Variants in DENND5A observed in about 807,000 individuals in gnomAD.
DENND5A encodes DENN domain-containing protein 5A.
Under a neutral mutation model 140.3 loss-of-function variants are expected in DENND5A, and 64 were observed. The ratio of observed to expected loss-of-function variants is 0.46; its 90% CI spans 0.37 to 0.56. The LOEUF (loss-of-function observed/expected upper bound fraction) is 0.56. Among genes scored for constraint, DENND5A ranks in the 20% least tolerant of loss-of-function variants. The pLI, the probability that DENND5A is intolerant of heterozygous loss-of-function variation, is 0.00. For missense variants in DENND5A, 1,292 were observed against 1,593.8 expected (o/e 0.81, Z 3.22); for synonymous variants, 605 against 607.7 (o/e 1.00, Z 0.07).
chr11:9,252,295 CAAAAAAAAA>C (rs11422899), intron 1 of DENND5A, among the ~76,000 whole-genome samples: 1 of 69,046 alleles, frequency 1.4e-5, no homozygotes, highest in Non-Finnish European at 2.7e-5. Context: ...GACTCCGTCT[CAAAAAAAAA>C]AAAAAAAAAA....
At chr11:9,157,660 A>G (rs916742802) in intron 12 of DENND5A, among the ~76,000 whole-genome samples, 5 of 152,188 alleles carry the variant, frequency 3.3e-5, no homozygotes, top group African/African-American at 1.2e-4. Flanking sequence ...AAAGGCCATG[A>G]TCTAGTTCTT....
intron 1 of DENND5A, among the ~76,000 whole-genome samples, chr11:9,212,473 C>T (rs117753916): frequency 0.016 from 2,393 of 152,106 alleles, 32 homozygotes; most frequent in Non-Finnish European, 0.022. Context: ...TACACAAGTA[C>T]ACCACAGACA....
Position 9,141,942 on chromosome 11 carries a change from G to A in DENND5A, c.3678C>T (p.Ala1226=). ...TCTGGGCCCTGGGTCTGCAGTACCT[G>A]GCTCCCAAGCACACCAGCATCTGAA... ...GKFQMLVCLG[A]RDHLLHHWIA... Residue 1226 remains alanine, a splice_region_variant and synonymous_variant, in exon 22 of 23, where the codon GCC becomes GCT. Transcript: ENST00000328194. The A allele has an allele frequency of 1.3e-6, 2 of 1,585,318 alleles. No homozygotes were observed. The highest frequency in any genetic ancestry group is 1.7e-6 in the Non-Finnish European group (2 of 1,164,846).
intron 12 of DENND5A, among the ~76,000 whole-genome samples, chr11:9,154,288 C>A (rs1209149071): frequency 1.3e-5 from 2 of 152,160 alleles, no homozygotes; most frequent in Non-Finnish European, 2.9e-5. Flanking sequence ...TAAGAGGTCA[C>A]ACCGTTAGTA....
intron 3 of DENND5A, among the ~76,000 whole-genome samples, chr11:9,204,985 G>A (rs1310143828): frequency 6.6e-6 from 1 of 152,204 alleles, no homozygotes; most frequent in Non-Finnish European, 1.5e-5. Flanking sequence ...ATGGTAGGTG[G>A]TTAAGCATGA....
At position 9,264,967 on chromosome 11, in the gene DENND5A, G is replaced by C. The variant is rs1015263045; in HGVS notation, c.103C>G (p.Leu35Val). The change falls in exon 1 of 23, where the codon CTG (leucine) becomes GTG (valine). Residue 35 changes from leucine (L) to valine (V), a missense_variant. By Grantham distance (32) the Leu-to-Val change is conservative. This residue lies in a region of DENND5A where 566 missense variants were observed against 650.4 expected (regional missense o/e 0.87). Transcript: ENST00000328194. ...DTETGLEPDE[L>V]SALCQYIQAS... ...GGGCTCGGCGCGCACTCACCCGACA[G>C]CTCGTCCGGCTCCAGCCCGGTCTCC... 4.4e-6 allele frequency: 7 copies of C among 1,581,270 alleles called. No homozygotes were observed. The highest frequency in any genetic ancestry group is 1.1e-5 in the South Asian group (1 of 87,320).
intron 13 of DENND5A, among the ~76,000 whole-genome samples, chr11:9,151,206 G>A (rs1847604412): frequency 6.6e-6 from 1 of 152,122 alleles, no homozygotes; most frequent in South Asian, 2.1e-4. Context: ...GCCTACAAAA[G>A]CCCAAGAGAA....
chr11:9,233,414 A>G (rs1023624220), intron 1 of DENND5A, among the ~76,000 whole-genome samples: 16 of 151,786 alleles, frequency 1.1e-4, no homozygotes, highest in South Asian at 4.2e-4. Flanking sequence ...AAAAAAAAAA[A>G]AAAGAAATTC....
chr11:9,172,669 G>T (rs1249236612), intron 8 of DENND5A, among the ~76,000 whole-genome samples: 4 of 152,154 alleles, frequency 2.6e-5, no homozygotes, highest in Non-Finnish European at 5.9e-5. Flanking sequence ...CACCATGCTT[G>T]TAAGTTTCTT....
At position 9,261,777 on chromosome 11, in the gene DENND5A, C is replaced by CA. The variant is rs10651988; in HGVS notation, c.109+3183dup. Among the ~76,000 whole-genome samples the CA allele has an allele frequency of 5.0e-3, 452 of 89,736 alleles. 13 individuals are homozygous for CA. The highest frequency in any genetic ancestry group is 0.019 in the Middle Eastern group (3 of 156). 58.9% of individuals were successfully genotyped at this position (89,736 alleles called of 152,430 possible). A position where few individuals can be genotyped will look rare whatever the true frequency, so the allele number is the denominator to read the frequency against. ...GGGGCAACAGAGTGAGACTGTGTCT[C>CA]AAAAAAAAAAAAAAAAAAAGATTCC... is the stretch of plus-strand genomic sequence containing the variant. On this transcript the variant is annotated intron_variant, in intron 1 of 22. Transcript: ENST00000328194.
intron 4 of DENND5A, among the ~76,000 whole-genome samples, chr11:9,195,624 G>A (rs1416481348): frequency 6.6e-6 from 1 of 152,164 alleles, no homozygotes; most frequent in African/African-American, 2.4e-5. Flanking sequence ...AGGAAATGAG[G>A]AAGTCTCAGT....
intron 12 of DENND5A, among the ~76,000 whole-genome samples, chr11:9,155,268 C>A (rs1847766259): frequency 6.6e-6 from 1 of 152,144 alleles, no homozygotes; most frequent in Non-Finnish European, 1.5e-5. Context: ...CTACCACAAC[C>A]ATTAGAAAGT....
intron 16 of DENND5A, among the ~76,000 whole-genome samples, chr11:9,146,586 C>G (rs572763688): frequency 2.6e-5 from 4 of 152,370 alleles, no homozygotes; most frequent in Admixed American, 2.6e-4. Context: ...CCACTGGTAT[C>G]TGGAGTTCTT....
At chr11:9,173,729 G>A (rs1848450267) in intron 8 of DENND5A, among the ~76,000 whole-genome samples, 1 of 152,158 alleles carries the variant, frequency 6.6e-6, no homozygotes, top group South Asian at 2.1e-4. Context: ...AGTTAAATGT[G>A]TACTATAAAT....
intron 13 of DENND5A, among the ~76,000 whole-genome samples, chr11:9,151,543 C>T (rs1409224436): frequency 1.3e-5 from 2 of 152,196 alleles, no homozygotes; most frequent in South Asian, 2.1e-4. Context: ...TCAAGGGCAA[C>T]GAGTTCATGC....
chr11:9,236,975 AAG>A (rs1237681295), intron 1 of DENND5A, among the ~76,000 whole-genome samples: 30 of 152,328 alleles, frequency 2.0e-4, no homozygotes, highest in South Asian at 1.2e-3. Flanking sequence ...GTAACAGAAA[AAG>A]AGTTTCCACA....
chr11:9,233,377 C>T (rs1482459049), intron 1 of DENND5A, among the ~76,000 whole-genome samples: 4 of 139,010 alleles, frequency 2.9e-5, no homozygotes, highest in Non-Finnish European at 6.0e-5. Flanking sequence ...CTAGCCTGGG[C>T]GACAGAGCGA....
At chr11:9,214,943 C>T (rs1289259465) in intron 1 of DENND5A, among the ~76,000 whole-genome samples, 2 of 152,094 alleles carry the variant, frequency 1.3e-5, no homozygotes, top group African/African-American at 2.4e-5. Flanking sequence ...AGACTGGTCT[C>T]GAACTCCTGA....
At chr11:9,149,183 A>G (rs1847530541) in intron 15 of DENND5A, among the ~76,000 whole-genome samples, 1 of 152,184 alleles carries the variant, frequency 6.6e-6, no homozygotes, top group Non-Finnish European at 1.5e-5. Flanking sequence ...CCCCATGAAT[A>G]TACAACCCTG....
Sources: allele counts gnomAD v4.1 joint callset (sites outside exome capture counted in the v4.1 genomes callset), GRCh38; gene constraint gnomAD v4.1.1; regional missense constraint gnomAD v4.1.1; transcripts MANE v1.5; gene names NCBI Gene and HGNC (gene_info 2026-07-23, HGNC 2026-07-21).